Variants in TENM1 observed in about 807,000 individuals in gnomAD.
The protein encoded by TENM1 is teneurin transmembrane protein 1, also known as teneurin-1.
A neutral mutation model predicts 174.8 loss-of-function variants in TENM1; 35 were observed. The ratio of observed to expected loss-of-function variants is 0.20; its 90% CI spans 0.15 to 0.27. The LOEUF (loss-of-function observed/expected upper bound fraction) is 0.27, where lower values mean the gene tolerates loss of function less well. Among genes scored for constraint, TENM1 ranks in the 10% least tolerant of loss-of-function variants. TENM1 has a pLI of 1.00. For synonymous variants in TENM1, 781 were observed against 798.7 expected, an observed-to-expected ratio of 0.98 and a Z score of 0.37; for missense variants, 1,633 against 2,130.1, an observed-to-expected ratio of 0.77 and a Z score of 4.59.
intron 16 of TENM1, 82 bp from the exon 20 acceptor site, chrX:124,523,707 C>A: frequency 9.9e-7 from 1 of 1,015,191 alleles, no homozygotes; most frequent in South Asian, 2.3e-5. Flanking sequence ...ATTTCAGTGC[C>A]CTTTCCTTTT....
intron 6 of TENM1, among the ~76,000 whole-genome samples, chrX:124,664,359 T>C (rs1157171241): frequency 9.2e-6 from 1 of 109,278 alleles, no homozygotes; most frequent in Non-Finnish European, 1.9e-5. Context: ...CTGGGTGGGG[T>C]TGGTGCAGTT....
chrX:124,887,342 T>A (rs931795568), intron 3 of TENM1, among the ~76,000 whole-genome samples: 3 of 110,855 alleles, frequency 2.7e-5, no homozygotes, highest in Non-Finnish European at 5.7e-5. Context: ...CTGGAAAAAA[T>A]TATGAGACTT....
intron 20 of TENM1, among the ~76,000 whole-genome samples, chrX:124,491,842 C>T (rs1265375670): frequency 9.0e-6 from 1 of 111,417 alleles, no homozygotes; most frequent in Non-Finnish European, 1.9e-5. Flanking sequence ...CAAGGGACAT[C>T]TGGAATTACT....
the TENM1 span, among the ~76,000 whole-genome samples, chrX:125,187,097 T>C: frequency 1.3e-3 from 142 of 111,401 alleles, no homozygotes; most frequent in African/African-American, 4.3e-3. Context: ...CCGGTCTCTA[T>C]TAAAAAGACA....
rs190908234 is a variant in TENM1 at position 124,798,959 on chromosome X, T to G, written c.536-61762A>C. Among the ~76,000 whole-genome samples the G allele has an allele frequency of 5.4e-5, 6 of 111,889 alleles. No homozygotes were observed. The East Asian group carries it at 8.4e-4, about 16-fold the overall frequency. On this transcript the variant is annotated intron_variant, in intron 3 of 31. Transcript: ENST00000422452. The stretch of plus-strand genomic sequence containing the variant: ...ATTAAATAGGGAATCCTTACCCCAT[T>G]GCTTTTTCTTTTTCAGGTTTGTCAA...
chrX:124,902,187 G>A (rs895915122), intron 1 of TENM1, among the ~76,000 whole-genome samples: 1 of 111,831 alleles, frequency 8.9e-6, no homozygotes, highest in Non-Finnish European at 1.9e-5. Flanking sequence ...CATATGTAAT[G>A]GTCAATGTGT....
At chrX:124,745,817 A>G (rs1203912046) in intron 3 of TENM1, among the ~76,000 whole-genome samples, 3 of 109,604 alleles carry the variant, frequency 2.7e-5, no homozygotes, top group Non-Finnish European at 1.9e-5. Flanking sequence ...TATGAGTAAC[A>G]TGTACATGTT....
At chrX:125,099,087 T>C in the TENM1 span, among the ~76,000 whole-genome samples, 3 of 112,661 alleles carry the variant, frequency 2.7e-5, 1 homozygote, top group Middle Eastern at 9.3e-3. Flanking sequence ...CCTAAGTCAC[T>C]GCTTAGCAGT....
chrX:124,655,679 C>A (rs2051423088), intron 6 of TENM1, among the ~76,000 whole-genome samples: 2 of 112,112 alleles, frequency 1.8e-5, no homozygotes, highest in South Asian at 7.4e-4. Context: ...TGTGTTAAGG[C>A]CAACAGTAAT....
At chrX:125,050,910 C>T in the TENM1 span, among the ~76,000 whole-genome samples, 1 of 111,996 alleles carries the variant, frequency 8.9e-6, no homozygotes, top group Non-Finnish European at 1.9e-5. Context: ...GTCAAATTGT[C>T]CCTGTTTGCA....
chrX:125,085,541 CTG>C, the TENM1 span, among the ~76,000 whole-genome samples: 1 of 111,085 alleles, frequency 9.0e-6, no homozygotes, highest in Admixed American at 9.6e-5. Context: ...GTGAGAGTGC[CTG>C]TCTCACAACA....
At chrX:125,098,285 AG>A in the TENM1 span, among the ~76,000 whole-genome samples, 1 of 111,572 alleles carries the variant, frequency 9.0e-6, no homozygotes, top group Non-Finnish European at 1.9e-5. Flanking sequence ...AATAAATAAA[AG>A]GGTCGTGTTT....
At chrX:125,166,638 A>C in the TENM1 span, among the ~76,000 whole-genome samples, 2 of 111,801 alleles carry the variant, frequency 1.8e-5, no homozygotes, top group South Asian at 7.4e-4. Context: ...GGTATATCTT[A>C]ATGTGTCTGT....
At chrX:125,044,882 G>A in the TENM1 span, among the ~76,000 whole-genome samples, 2 of 111,471 alleles carry the variant, frequency 1.8e-5, no homozygotes, top group Non-Finnish European at 3.8e-5. Context: ...ATAAATATTT[G>A]GAATTATGCC....
intron 27 of TENM1, among the ~76,000 whole-genome samples, chrX:124,399,752 A>G (rs1192498350): frequency 3.6e-5 from 4 of 111,435 alleles, no homozygotes; most frequent in Non-Finnish European, 7.5e-5. Context: ...GGATGGCTTG[A>G]GTCCAGGAGT....
At chrX:124,981,036 T>C in the TENM1 span, among the ~76,000 whole-genome samples, 3 of 112,116 alleles carry the variant, frequency 2.7e-5, no homozygotes, top group Non-Finnish European at 5.6e-5. Context: ...TTAGAAAGTA[T>C]ATATTAATAG....
the TENM1 span, among the ~76,000 whole-genome samples, chrX:124,991,694 A>T: frequency 1.3e-3 from 3 of 2,289 alleles, no homozygotes; most frequent in Non-Finnish European, 2.2e-3. Flanking sequence ...TATTCTTCTA[A>T]TATAAGCAGT....
At chrX:124,882,079 A>AT (rs2057314147) in intron 3 of TENM1, among the ~76,000 whole-genome samples, 1 of 112,013 alleles carries the variant, frequency 8.9e-6, no homozygotes, top group African/African-American at 3.2e-5. Flanking sequence ...GTGTGAAGAG[A>AT]TTTTTTAAAA....
At chrX:124,666,922 G>T (rs59096803) in intron 6 of TENM1, among the ~76,000 whole-genome samples, 12,417 of 110,987 alleles carry the variant, frequency 0.11, 1,434 homozygotes, top group African/African-American at 0.35. Context: ...AAAATCAATT[G>T]TTTTACTTGT....
Sources: gnomAD v4.1 joint callset for allele counts (sites outside exome capture counted in the v4.1 genomes callset) on GRCh38, gnomAD v4.1.1 for gene constraint, MANE v1.5 for transcripts, NCBI Gene and HGNC (gene_info 2026-07-23, HGNC 2026-07-21) for gene names.